The following SEPTIN12 variants were observed in gnomAD, a reference collection of about 807,000 sequenced individuals.
The protein encoded by SEPTIN12 is septin-12.
In SEPTIN12, 42 loss-of-function variants were observed where a neutral mutation model predicts 37.7. The observed-to-expected ratio is 1.11, with a 90% CI of 0.87 to 1.44. The LOEUF is 1.44. SEPTIN12 is among the 40% of genes most tolerant of loss of function. The pLI is 0.00. For missense variants in SEPTIN12, 613 were observed against 479.2 expected (o/e 1.28, Z -2.61); for synonymous variants, 254 against 196.7 (o/e 1.29, Z -2.44).
In SEPTIN12 at chr16:4,777,684, A is replaced by G. The variant is rs1393409927; in HGVS notation, c.*113T>C. 11 of 835,960 alleles carry G rather than the reference A, an allele frequency of 1.3e-5. No individual in the cohort carries two copies. The highest frequency in any genetic ancestry group is 2.0e-5 in the Non-Finnish European group (11 of 545,982). The allele number at this position is 835,960 out of a possible 1,614,324, so 51.8% of individuals were successfully genotyped here. On this transcript the variant is annotated 3_prime_UTR_variant, in exon 10 of 10. Transcript: ENST00000268231. ...ACAAAATGCCTTTTGTTTTCAAAGC[A>G]CAGCTTTTCATAAAAAGCAAGGCTC... is the stretch of plus-strand genomic sequence containing the variant.
chr16:4,784,145 G>A (rs1442260386), intron 4 of SEPTIN12, 77 bp from the exon 5 acceptor site: 10 of 1,564,496 alleles, frequency 6.4e-6, no homozygotes, highest in Non-Finnish European at 8.8e-6. Flanking sequence ...TGTGTCCTCT[G>A]GGCGGTCCTC....
intron 2 of SEPTIN12, among the ~76,000 whole-genome samples, chr16:4,786,346 T>C (rs566818942): frequency 6.7e-6 from 1 of 149,326 alleles, no homozygotes; most frequent in South Asian, 2.1e-4. Flanking sequence ...AGCTGATTTT[T>C]GCACTGCTTT....
intron 8 of SEPTIN12, 86 bp downstream of exon 8, chr16:4,779,604 C>A (rs1221583294): frequency 1.2e-6 from 1 of 823,756 alleles, no homozygotes; most frequent in Non-Finnish European, 2.1e-6. Flanking sequence ...CTTTCTGTGC[C>A]CTGTGATGGG....
upstream of SEPTIN12, among the ~76,000 whole-genome samples, chr16:4,789,332 C>CTT (rs1157020160): frequency 7.0e-6 from 1 of 142,890 alleles, no homozygotes. Context: ...TCCTTTTTTT[C>CTT]TTTTTTTTTT....
intron 2 of SEPTIN12, among the ~76,000 whole-genome samples, chr16:4,787,118 C>T (rs2082467148): frequency 2.0e-5 from 3 of 152,054 alleles, no homozygotes; most frequent in African/African-American, 7.2e-5. Flanking sequence ...TCAAGTGACC[C>T]TCCTGCCTTG....
chr16:4,780,417 T>C (rs2082359910), intron 7 of SEPTIN12, among the ~76,000 whole-genome samples: 1 of 152,120 alleles, frequency 6.6e-6, no homozygotes. Flanking sequence ...AAAGTTTTAT[T>C]GGCACATAGT....
At chr16:4,783,879 T>A (rs955925100) in intron 5 of SEPTIN12, 52 bp downstream of exon 5, 15 of 1,609,884 alleles carry the variant, frequency 9.3e-6, no homozygotes, top group Non-Finnish European at 1.2e-5. Context: ...CCCCTTCTCC[T>A]CCTCCCTGCC....
rs768322780 is a variant in SEPTIN12 at position 4,783,634 on chromosome 16, G to C, written c.630+15C>G. ...GCCCCCGCTGACCCCAGCCCTGCCC[G>C]GGCATCCAGATCACCCTGCGCCTGA... On this transcript the variant is annotated intron_variant, in intron 6 of 9. Transcript: ENST00000268231. 1.9e-6 allele frequency: 3 copies of C among 1,612,836 alleles called. No homozygotes were observed. Among genetic ancestry groups the C allele is most frequent in the Non-Finnish European group, 1.7e-6 (2 of 1,179,040 alleles).
At chr16:4,779,870 G>C (rs1209877425) in intron 7 of SEPTIN12, 84 bp from the exon 8 acceptor site, 1 of 863,426 alleles carries the variant, frequency 1.2e-6, no homozygotes, top group Non-Finnish European at 2.0e-6. Flanking sequence ...AGGCAGGAGA[G>C]GGGAGTCCTA....
At chr16:4,789,569 G>A (rs1426998170), upstream of SEPTIN12, among the ~76,000 whole-genome samples, 1 of 152,070 alleles carries the variant, frequency 6.6e-6, no homozygotes, top group African/African-American at 2.4e-5. Context: ...CTCGTGATCT[G>A]CCCTCCTCGG....
chr16:4,778,996 G>A (rs2082343666), intron 8 of SEPTIN12, among the ~76,000 whole-genome samples: 1 of 151,508 alleles, frequency 6.6e-6, no homozygotes, highest in South Asian at 2.1e-4. Flanking sequence ...AAATTAGCTG[G>A]GCGTGGTGGC....
intron 4 of SEPTIN12, among the ~76,000 whole-genome samples, chr16:4,784,590 G>A (rs1567567161): frequency 8.4e-6 from 1 of 119,496 alleles, no homozygotes; most frequent in Admixed American, 8.8e-5. Context: ...GGCAACATGG[G>A]GAAACGCCAA....
intron 7 of SEPTIN12, chr16:4,783,218 C>T (rs9928311): frequency 3.8e-6 from 2 of 530,404 alleles, no homozygotes; most frequent in South Asian, 2.1e-5. Context: ...CCAATGTTCT[C>T]TATATATTCA....
rs1052043239 is a variant in SEPTIN12 at position 4,787,523 on chromosome 16, G to C, written c.123C>G (p.Ile41Met). The C allele has an allele frequency of 2.5e-6, 4 of 1,613,064 alleles. No individual in the cohort carries two copies. Among genetic ancestry groups the C allele is most frequent in the Non-Finnish European group, 2.5e-6 (3 of 1,180,030 alleles). Residue 41 changes from isoleucine to methionine, a missense_variant, in exon 2 of 10, where the codon ATC (isoleucine) becomes ATG (methionine). Physicochemically the swap from Ile to Met is conservative, Grantham distance 10. Transcript: ENST00000268231. ...ACTCAAACCCCATCTTCATAGCCTTGATCTTCAGCTGGTCCAGCACAGCCT... is the reference window on the plus strand; with the variant it reads ...ACTCAAACCCCATCTTCATAGCCTTCATCTTCAGCTGGTCCAGCACAGCCT... ...GIEAVLDQLK[I>M]KAMKMGFEFN...
At chr16:4,785,362 CA>C (rs1293168766) in intron 4 of SEPTIN12, among the ~76,000 whole-genome samples, 121 of 139,096 alleles carry the variant, frequency 8.7e-4, no homozygotes, top group Admixed American at 7.9e-4. Flanking sequence ...GATTCTGTCT[CA>C]AAAAAAAAAA....
At chr16:4,789,615 T>C (rs1247834721), upstream of SEPTIN12, among the ~76,000 whole-genome samples, 2 of 152,170 alleles carry the variant, frequency 1.3e-5, no homozygotes, top group Non-Finnish European at 2.9e-5. Flanking sequence ...CGTTAGCCCC[T>C]GCGCCCAGCC....
rs199696526 is a variant in SEPTIN12 at position 4,786,006 on chromosome 16, G to A, written c.266C>T (p.Thr89Met). ...PPGLGVPTPQ[T>M]LQLHSLTHVI... ...ATGGGTCAGTGAATGCAGCTGCAGC[G>A]TCTGGGGTGTGGGCACCCCCAAGCC... The change falls in exon 3 of 10, where the codon ACG becomes ATG. Residue 89 changes from threonine to methionine, a missense_variant. Thr to Met is a moderately conservative substitution (Grantham distance 81). Coordinates refer to ENST00000268231, the MANE Select transcript of SEPTIN12 (RefSeq NM_144605.5). The A allele has an allele frequency of 3.8e-5, 62 of 1,613,664 alleles. No individual in the cohort carries two copies. Among genetic ancestry groups the A allele is most frequent in the East Asian group, 3.1e-4 (14 of 44,856 alleles).
In SEPTIN12 at chr16:4,787,583, G is replaced by A. The variant is rs1479131457; in HGVS notation, c.63C>T (p.Thr21=). 9 of 1,608,728 alleles carry A rather than the reference G, an allele frequency of 5.6e-6. No individual in the cohort carries two copies. Among genetic ancestry groups the A allele is most frequent in the Non-Finnish European group, 7.6e-6 (9 of 1,179,750 alleles). The change falls in exon 2 of 10, where the codon ACC becomes ACT. Residue 21 remains threonine (T), a synonymous_variant. Coordinates refer to ENST00000268231, the MANE Select transcript of SEPTIN12 (RefSeq NM_144605.5). ...CAGGACCAAGCATCTCGCAGGGTGG[G>A]GTGCTGGGGCTGGAGGGCTGCGAGG... ...CLSSQPSSPS[T]PPCEMLGPVG...
chr16:4,782,430 G>A (rs577975647), intron 7 of SEPTIN12, among the ~76,000 whole-genome samples: 1 of 152,264 alleles, frequency 6.6e-6, no homozygotes, highest in South Asian at 2.1e-4. Context: ...ACATTTTTCT[G>A]TGAATGTACA....
Sources: gnomAD v4.1 joint callset for allele counts (sites outside exome capture counted in the v4.1 genomes callset) on GRCh38, gnomAD v4.1.1 for gene constraint, MANE v1.5 for transcripts, NCBI Gene and HGNC (gene_info 2026-07-23, HGNC 2026-07-21) for gene names.